The following RBM42 variants were observed in gnomAD, a reference collection of about 807,000 sequenced individuals.
RBM42 encodes RNA-binding protein 42.
A neutral mutation model predicts 41.4 loss-of-function variants in RBM42; 21 were observed. That is an observed-to-expected ratio of 0.51 (90% confidence interval 0.36 to 0.73). The LOEUF (loss-of-function observed/expected upper bound fraction) is 0.73, where lower values mean the gene tolerates loss of function less well. Among genes scored for constraint, RBM42 ranks in the 30% least tolerant of loss-of-function variants. The pLI, the probability that RBM42 is intolerant of heterozygous loss-of-function variation, is 0.00. For missense variants in RBM42, 539 were observed against 680.4 expected, an observed-to-expected ratio of 0.79 and a Z score of 2.31; for synonymous variants, 272 against 271.2, an observed-to-expected ratio of 1.00 and a Z score of -0.03.
chr19:35,629,785 A>G (rs1967373255), intron 2 of RBM42, 112 bp downstream of exon 2: 1 of 1,105,096 alleles, frequency 9.0e-7, no homozygotes, highest in Non-Finnish European at 1.3e-6. Flanking sequence ...TAGCATGACA[A>G]ATATTTTATA....
intron 4 of RBM42, chr19:35,631,711 A>G: frequency 2.4e-6 from 1 of 421,746 alleles, no homozygotes; most frequent in South Asian, 2.5e-5. Context: ...CTCTAAAATA[A>G]AAGCTCCATG....
chr19:35,633,040 C>G, intron 5 of RBM42, 37 bp from the exon 6 acceptor site: 1 of 1,603,086 alleles, frequency 6.2e-7, no homozygotes, highest in Non-Finnish European at 8.5e-7. Flanking sequence ...ACATAACTCC[C>G]CCCAGGCCCT....
intron 8 of RBM42, among the ~76,000 whole-genome samples, chr19:35,634,700 C>T (rs1406879593): frequency 2.0e-5 from 3 of 150,174 alleles, no homozygotes; most frequent in African/African-American, 7.4e-5. Context: ...ACTCTGTCGC[C>T]CAGGCTGCAG....
At chr19:35,632,674 A>G (rs1200450564) in intron 4 of RBM42, among the ~76,000 whole-genome samples, 1 of 151,986 alleles carries the variant, frequency 6.6e-6, no homozygotes, top group Admixed American at 6.6e-5. Context: ...CCTCTGGACC[A>G]GGAGCTCCCT....
chr19:35,633,982 C>G lies in RBM42; in HGVS notation c.980C>G (p.Pro327Arg). The G allele has an allele frequency of 6.5e-7, 1 of 1,535,746 alleles. No individual in the cohort carries two copies. Among genetic ancestry groups the G allele is most frequent in the Non-Finnish European group, 8.7e-7 (1 of 1,146,396 alleles). The change falls in exon 7 of 10, where the codon CCT becomes CGT. Residue 327 changes from proline to arginine, a missense_variant. This residue lies in a region of RBM42 where 429 missense variants were observed against 488.9 expected (regional missense o/e 0.88). Coordinates refer to ENST00000262633, the MANE Select transcript of RBM42 (RefSeq NM_024321.5). ...LLSLRPRPRPPRPEPPPGLMA... is the reference protein window; with the variant it reads ...LLSLRPRPRPRRPEPPPGLMA... ...TCCCTGCGTCCTCGGCCCCGGCCCC[C>G]TCGGCCAGAGCCACCCCCAGGCCTC...
intron 8 of RBM42, among the ~76,000 whole-genome samples, chr19:35,635,082 A>G (rs1967473033): frequency 6.6e-6 from 1 of 151,864 alleles, no homozygotes; most frequent in Admixed American, 6.6e-5. Flanking sequence ...TGGGAGGCGG[A>G]GGCAGGTGGA....
At chr19:35,630,847 G>A (rs916116507) in intron 2 of RBM42, among the ~76,000 whole-genome samples, 1 of 152,222 alleles carries the variant, frequency 6.6e-6, no homozygotes, top group African/African-American at 2.4e-5. Context: ...AGGAGTTAAT[G>A]GTGGCTTGGA....
At position 35,629,083 on chromosome 19, in the gene RBM42, G is replaced by A; in HGVS notation, c.-71G>A. Reference sequence around the variant, plus strand: ...GGGAGCCCACCCGGACGAAGGGGGAGAGTAGACAGCAGAACCAGCGGCGGC... The same window carrying A: ...GGGAGCCCACCCGGACGAAGGGGGAAAGTAGACAGCAGAACCAGCGGCGGC... On this transcript the variant is annotated 5_prime_UTR_variant, in exon 1 of 10. Transcript: ENST00000262633. 1 of 1,466,054 alleles carries A rather than the reference G, an allele frequency of 6.8e-7. No individual in the cohort carries two copies. The highest frequency in any genetic ancestry group is 9.0e-7 in the Non-Finnish European group (1 of 1,112,036). The allele number at this position is 1,466,054 out of a possible 1,614,324, so 90.8% of individuals were successfully genotyped here. A position where few individuals can be genotyped will look rare whatever the true frequency, so the allele number is the denominator to read the frequency against.
At position 35,629,078 on chromosome 19, in the gene RBM42, G is replaced by T; in HGVS notation, c.-76G>T. On this transcript the variant is annotated 5_prime_UTR_variant, in exon 1 of 10. Coordinates refer to ENST00000262633, the MANE Select transcript of RBM42 (RefSeq NM_024321.5). Reference sequence around the variant, plus strand: ...TCCTCGGGAGCCCACCCGGACGAAGGGGGAGAGTAGACAGCAGAACCAGCG... The same window carrying T: ...TCCTCGGGAGCCCACCCGGACGAAGTGGGAGAGTAGACAGCAGAACCAGCG... The T allele has an allele frequency of 4.1e-6, 6 of 1,459,322 alleles. No homozygotes were observed. The highest frequency in any genetic ancestry group is 4.0e-5 in the South Asian group (3 of 75,204). The allele number at this position is 1,459,322 out of a possible 1,614,324, so 90.4% of individuals were successfully genotyped here. A position where few individuals can be genotyped will look rare whatever the true frequency, so the allele number is the denominator to read the frequency against.
At chr19:35,635,217 G>A (rs892823857) in intron 8 of RBM42, among the ~76,000 whole-genome samples, 1 of 150,686 alleles carries the variant, frequency 6.6e-6, no homozygotes, top group Non-Finnish European at 1.5e-5. Flanking sequence ...TCGGTTGGCT[G>A]AGACAGGAGT....
At position 35,629,777 on chromosome 19, in the gene RBM42, G is replaced by C. The variant is rs967267905; in HGVS notation, c.282+104G>C. The C allele has an allele frequency of 2.2e-5, 27 of 1,226,636 alleles. 1 individual carries two copies. In the Admixed American group the frequency reaches 4.2e-4, roughly 19 times the overall value. The allele number at this position is 1,226,636 out of a possible 1,614,324, so 76.0% of individuals were successfully genotyped here. On this transcript the variant is annotated intron_variant, in intron 2 of 9. Transcript: ENST00000262633. ...GACGTTTTGGCTTGTTGACTAATTA[G>C]CATGACAAATATTTTATATGCCAGG...
intron 8 of RBM42, among the ~76,000 whole-genome samples, chr19:35,635,790 G>A (rs756159803): frequency 3.9e-5 from 6 of 152,146 alleles, no homozygotes; most frequent in Non-Finnish European, 8.8e-5. Context: ...AAAGTGCTGG[G>A]ATTACAGGCA....
rs376388807 is a variant in RBM42, at chr19:35,637,592, G to A, written c.*38G>A. On this transcript the variant is annotated 3_prime_UTR_variant, in exon 10 of 10. Transcript: ENST00000262633. The surrounding 1 kb of genome is among the most constrained non-coding windows in gnomAD (Gnocchi z 7.0). ...GGCACCCGCTCCCACCTGGCCGGGC[G>A]CTGGCTCCTCCCTCAGTTCTCTTTG... The A allele has an allele frequency of 1.4e-5, 22 of 1,519,476 alleles. No homozygotes were observed. Among genetic ancestry groups the A allele is most frequent in the Non-Finnish European group, 1.9e-5 (21 of 1,100,326 alleles). The allele number at this position is 1,519,476 out of a possible 1,614,324, so 94.1% of individuals were successfully genotyped here. A position where few individuals can be genotyped will look rare whatever the true frequency, so the allele number is the denominator to read the frequency against.
At chr19:35,632,508 C>T (rs952115346) in intron 4 of RBM42, among the ~76,000 whole-genome samples, 1 of 152,224 alleles carries the variant, frequency 6.6e-6, no homozygotes, top group Non-Finnish European at 1.5e-5. Flanking sequence ...CCTTGGGTCT[C>T]AGCTCACAGG....
rs1351951199 is a variant in RBM42, at chr19:35,633,918, C to T, written c.916C>T (p.Arg306Cys). Residue 306 changes from arginine (R) to cysteine (C), a missense_variant, in exon 7 of 10, where the codon CGC (arginine) becomes TGC (cysteine). By Grantham distance (180) the Arg-to-Cys change is radical. This residue lies in a region of RBM42 where 429 missense variants were observed against 488.9 expected (regional missense o/e 0.88). Transcript: ENST00000262633. ...EPLPLPLEVV[R>C]GLLPPLRIPE... ...CCTGCCCCTCCCGTTGGAGGTCGTC[C>T]GCGGCCTCCTGCCCCCGCTGCGCAT... 11 of 1,591,394 alleles carry T rather than the reference C, an allele frequency of 6.9e-6. No individual in the cohort carries two copies. The highest frequency in any genetic ancestry group is 4.6e-5 in the East Asian group (2 of 43,954).
In RBM42 at chr19:35,629,099, C is replaced by T; in HGVS notation, c.-55C>T. 1 of 1,481,488 alleles carries T rather than the reference C, an allele frequency of 6.7e-7. No homozygotes were observed. Among genetic ancestry groups the T allele is most frequent in the Non-Finnish European group, 8.9e-7 (1 of 1,120,018 alleles). The allele number at this position is 1,481,488 out of a possible 1,614,324, so 91.8% of individuals were successfully genotyped here. A position where few individuals can be genotyped will look rare whatever the true frequency, so the allele number is the denominator to read the frequency against. Reference sequence around the variant, plus strand: ...GAAGGGGGAGAGTAGACAGCAGAACCAGCGGCGGCGGCTAAGCAGAGACTG... The same window carrying T: ...GAAGGGGGAGAGTAGACAGCAGAACTAGCGGCGGCGGCTAAGCAGAGACTG... On this transcript the variant is annotated 5_prime_UTR_variant, in exon 1 of 10. Transcript: ENST00000262633.
At chr19:35,635,725 C>T (rs921293896) in intron 8 of RBM42, among the ~76,000 whole-genome samples, 5 of 151,966 alleles carry the variant, frequency 3.3e-5, no homozygotes, top group Non-Finnish European at 7.4e-5. Context: ...TTTCACCATG[C>T]TGGCCAGGCT....
intron 8 of RBM42, among the ~76,000 whole-genome samples, chr19:35,634,996 T>A (rs969930900): frequency 2.0e-5 from 3 of 152,158 alleles, no homozygotes; most frequent in Non-Finnish European, 4.4e-5. Flanking sequence ...CACTTCTAAA[T>A]ATCTCAGTAT....
rs769197265 is a variant in RBM42 at position 35,637,384 on chromosome 19, G to A, written c.1330+32G>A. On this transcript the variant is annotated intron_variant, in intron 9 of 9. Transcript: ENST00000262633. The surrounding 1 kb of genome is among the most constrained non-coding windows in gnomAD (Gnocchi z 7.0). ...GCGGCCTCCCCTGGGAACTGCAGGC[G>A]CGGCAGGCGCTGGCCTAAGCCTGAC... 57 of 1,613,274 alleles carry A rather than the reference G, an allele frequency of 3.5e-5. No homozygotes were observed. The highest frequency in any genetic ancestry group is 1.6e-4 in the Middle Eastern group (1 of 6,084).
Sources: gnomAD v4.1 joint callset for allele counts (sites outside exome capture counted in the v4.1 genomes callset) on GRCh38, gnomAD v4.1.1 for gene constraint, gnomAD v4.1.1 regional missense constraint, Gnocchi (gnomAD v3.1) non-coding constraint, MANE v1.5 for transcripts, NCBI Gene and HGNC (gene_info 2026-07-23, HGNC 2026-07-21) for gene names.